The following SH3D19 variants were observed in gnomAD, a reference collection of about 807,000 sequenced individuals.
SH3D19 encodes the protein SH3 domain containing 19.
A neutral mutation model predicts 112.1 loss-of-function variants in SH3D19; 58 were observed. That is an observed-to-expected ratio of 0.52 (90% CI 0.42 to 0.64). The LOEUF is 0.64. Ranked by LOEUF, SH3D19 falls within the 30% of genes least tolerant of loss-of-function variation. The pLI is 0.00. For missense variants in SH3D19, 1,090 were observed against 1,263.4 expected, an observed-to-expected ratio of 0.86 and a Z score of 2.08; for synonymous variants, 391 against 448.5, an observed-to-expected ratio of 0.87 and a Z score of 1.62.
intron 1 of SH3D19, among the ~76,000 whole-genome samples, chr4:151,274,219 G>A (rs904962720): frequency 6.6e-6 from 1 of 152,150 alleles, no homozygotes; most frequent in Non-Finnish European, 1.5e-5. Context: ...TGCAGTGTTT[G>A]CTTAAAAAAG....
intron 1 of SH3D19, among the ~76,000 whole-genome samples, chr4:151,303,411 T>C (rs1288283647): frequency 1.3e-5 from 2 of 152,184 alleles, no homozygotes; most frequent in East Asian, 1.9e-4. Flanking sequence ...TAGGGAAAAA[T>C]AGGTTTTTAA....
intron 1 of SH3D19, among the ~76,000 whole-genome samples, chr4:151,249,623 G>A (rs1265983805): frequency 6.6e-6 from 1 of 151,816 alleles, no homozygotes; most frequent in Non-Finnish European, 1.5e-5. Flanking sequence ...TATCTCATAA[G>A]GGTTTAGCAC....
intron 7 of SH3D19, among the ~76,000 whole-genome samples, chr4:151,174,453 A>G (rs1023136963): frequency 1.3e-5 from 2 of 152,160 alleles, no homozygotes; most frequent in East Asian, 1.9e-4. Flanking sequence ...CCCCCATCCC[A>G]TATTTTCCCT....
At chr4:151,213,684 A>ATTTG (rs1240484050) in intron 2 of SH3D19, among the ~76,000 whole-genome samples, 1 of 147,696 alleles carries the variant, frequency 6.8e-6, no homozygotes. Context: ...TAATTAATTA[A>ATTTG]TTAATTTATT....
intron 2 of SH3D19, among the ~76,000 whole-genome samples, chr4:151,209,922 T>C (rs904050325): frequency 6.6e-6 from 1 of 152,144 alleles, no homozygotes; most frequent in African/African-American, 2.4e-5. Flanking sequence ...ATCTGAGCAT[T>C]ATAACATAAA....
chr4:151,313,335 T>C (rs1423322502), intron 1 of SH3D19, among the ~76,000 whole-genome samples: 3 of 152,152 alleles, frequency 2.0e-5, no homozygotes, highest in East Asian at 3.9e-4. Context: ...ACTTGTGATA[T>C]AAAGGAATGT....
chr4:151,241,849 TTAAG>T (rs564555512), intron 1 of SH3D19, among the ~76,000 whole-genome samples: 46 of 152,124 alleles, frequency 3.0e-4, no homozygotes, highest in Middle Eastern at 3.4e-3. Flanking sequence ...ATGAGAACTC[TTAAG>T]TATGTTTTCA....
chr4:151,124,343 G>T (rs1484564475), intron 19 of SH3D19, among the ~76,000 whole-genome samples: 1 of 152,000 alleles, frequency 6.6e-6, no homozygotes. Flanking sequence ...CCGACCTCAG[G>T]TGATCCACTC....
chr4:151,270,638 A>C (rs1246164249), intron 1 of SH3D19, among the ~76,000 whole-genome samples: 2 of 151,872 alleles, frequency 1.3e-5, no homozygotes, highest in Non-Finnish European at 2.9e-5. Flanking sequence ...TTATAACAGC[A>C]CCACCATGAA....
chr4:151,138,321 G>A (rs1031404583), intron 13 of SH3D19, among the ~76,000 whole-genome samples: 5 of 152,198 alleles, frequency 3.3e-5, no homozygotes, highest in Non-Finnish European at 5.9e-5. Context: ...AGCCTATCAA[G>A]TGGATAAAAA....
At position 151,325,452 on chromosome 4, in the gene SH3D19, G is replaced by T; in HGVS notation, c.-100C>A. On this transcript the variant is annotated 5_prime_UTR_variant, in exon 1 of 20. Transcript: ENST00000604030. ...CGCCCCACGCCACCGCCCTCGGGCC[G>T]GGGGGAAGGCGGCTCCCGGAGAGGA... The T allele has an allele frequency of 1.9e-6, 1 of 517,716 alleles. No homozygotes were observed. The highest frequency in any genetic ancestry group is 2.8e-6 in the Non-Finnish European group (1 of 355,810). The allele number at this position is 517,716 out of a possible 1,614,324, so 32.1% of individuals were successfully genotyped here.
intron 1 of SH3D19, among the ~76,000 whole-genome samples, chr4:151,318,171 C>T (rs1730180581): frequency 1.3e-5 from 2 of 149,286 alleles, no homozygotes; most frequent in South Asian, 2.1e-4. Context: ...CATGGTGGCA[C>T]GTGCCTGTAG....
In SH3D19 at chr4:151,147,963, G is replaced by A. The variant is rs377710335; in HGVS notation, c.2041C>T (p.Pro681Ser). Reference protein sequence around the residue: ...VFKNQDPVLPPRPKPGHPLYS... With the variant: ...VFKNQDPVLPSRPKPGHPLYS... Reference sequence around the variant, plus strand: ...AGAGGGTGTCCTGGTTTGGGACGAGGGGGTAGCACCGGATCTTGATTTTTA... The same window carrying A: ...AGAGGGTGTCCTGGTTTGGGACGAGAGGGTAGCACCGGATCTTGATTTTTA... Residue 681 changes from proline to serine, a missense_variant, in exon 11 of 20, where the codon CCT becomes TCT. Pro to Ser is a moderately conservative substitution (Grantham distance 74). Transcript: ENST00000604030. 23 of 1,613,856 alleles carry A rather than the reference G, an allele frequency of 1.4e-5. No individual in the cohort carries two copies. The African/African-American group carries it at 2.3e-4, about 16-fold the overall frequency.
At chr4:151,317,921 G>A (rs569568540) in intron 1 of SH3D19, among the ~76,000 whole-genome samples, 36 of 152,154 alleles carry the variant, frequency 2.4e-4, no homozygotes, top group African/African-American at 8.7e-4. Flanking sequence ...AACCTGGGAG[G>A]TGGAGGTTGT....
chr4:151,225,992 A>T (rs1768928785), intron 2 of SH3D19, 55 bp downstream of exon 2: 1 of 1,165,136 alleles, frequency 8.6e-7, no homozygotes, highest in Non-Finnish European at 1.1e-6. Context: ...CTTCCAAACA[A>T]TACTTTTCAA....
In SH3D19 at chr4:151,128,405, AT is replaced by A. The variant is rs763559661; in HGVS notation, c.2743-50del. 6.3e-5 allele frequency: 95 copies of A among 1,500,170 alleles called. No homozygotes were observed. The African/African-American group carries it at 1.2e-3, about 20-fold the overall frequency. 92.9% of individuals were successfully genotyped at this position (1,500,170 alleles called of 1,614,324 possible). ...TCAGAAGTGTAAGATTTTATTTGAA[AT>A]TGAGTTCTACAAAGCTTAAAAAGTA... On this transcript the variant is annotated intron_variant, in intron 17 of 19. Transcript: ENST00000604030.
chr4:151,158,700 A>G (rs1189258717), intron 9 of SH3D19, among the ~76,000 whole-genome samples: 1 of 151,856 alleles, frequency 6.6e-6, no homozygotes, highest in African/African-American at 2.4e-5. Context: ...AAAAATAAAT[A>G]AAAGTATTGA....
chr4:151,169,881 C>T (rs887174064), intron 7 of SH3D19, among the ~76,000 whole-genome samples: 1 of 152,148 alleles, frequency 6.6e-6, no homozygotes, highest in Non-Finnish European at 1.5e-5. Context: ...ACAACATCCC[C>T]CTGCCCCACT....
At chr4:151,281,849 A>C (rs546451820) in intron 1 of SH3D19, among the ~76,000 whole-genome samples, 1 of 152,284 alleles carries the variant, frequency 6.6e-6, no homozygotes, top group East Asian at 1.9e-4. Flanking sequence ...TTAAGCATAC[A>C]GGTGATGGCT....
Sources: gnomAD v4.1 joint callset for allele counts (sites outside exome capture counted in the v4.1 genomes callset) on GRCh38, gnomAD v4.1.1 for gene constraint, MANE v1.5 for transcripts, NCBI Gene and HGNC (gene_info 2026-07-23, HGNC 2026-07-21) for gene names.